The following ATP11A variants were observed in gnomAD, a reference collection of about 807,000 sequenced individuals.
ATP11A encodes ATPase phospholipid transporting 11A, also known as phospholipid-transporting ATPase IH.
ATP11A carries 81 observed loss-of-function variants against 154.4 expected under a neutral mutation model. The ratio of observed to expected loss-of-function variants is 0.52; its 90% CI spans 0.44 to 0.63. The LOEUF is 0.63. ATP11A is among the 30% of genes least tolerant of loss of function. ATP11A has a pLI of 0.00. For synonymous variants in ATP11A, 623 were observed against 585.9 expected (o/e 1.06, Z -0.91); for missense variants, 1,316 against 1,474.3 (o/e 0.89, Z 1.76).
At chr13:112,824,533 C>A in intron 10 of ATP11A, 108 bp downstream of exon 10, 2 of 998,480 alleles carry the variant, frequency 2.0e-6, no homozygotes, top group Non-Finnish European at 3.1e-6. Context: ...TGCCACTGTA[C>A]AGCATCTTAG....
intron 1 of ATP11A, among the ~76,000 whole-genome samples, chr13:112,711,964 C>A (rs190445486): frequency 1.3e-5 from 2 of 152,216 alleles, no homozygotes; most frequent in African/African-American, 2.4e-5. Flanking sequence ...TCCTAGGAAT[C>A]TGAGGCTCCT....
chr13:112,767,497 G>A (rs1175312979), intron 1 of ATP11A, among the ~76,000 whole-genome samples: 1 of 145,236 alleles, frequency 6.9e-6, no homozygotes, highest in Non-Finnish European at 1.5e-5. Context: ...GTGGAAAGGT[G>A]GGGAGGATGT....
At chr13:112,873,866 T>C (rs1465480892) in intron 27 of ATP11A, among the ~76,000 whole-genome samples, 190 bp downstream of exon 27, 1 of 152,102 alleles carries the variant, frequency 6.6e-6, no homozygotes, top group African/African-American at 2.4e-5. Context: ...GGGTTCCTGC[T>C]CCGGTGACTT....
At chr13:112,789,951 TATTTA>T (rs1452856084) in intron 2 of ATP11A, among the ~76,000 whole-genome samples, 2 of 151,768 alleles carry the variant, frequency 1.3e-5, no homozygotes, top group African/African-American at 4.8e-5. Context: ...TATGTATACC[TATTTA>T]ATTCACACCG....
chr13:112,837,061 C>T lies in ATP11A; in HGVS notation c.1705+810C>T, dbSNP rs114624020. 1.3e-3 allele frequency among the ~76,000 whole-genome samples: 201 copies of T among 152,368 alleles called. 1 individual carries two copies. The highest frequency in any genetic ancestry group is 4.6e-3 in the African/African-American group (191 of 41,590). Reference sequence around the variant, plus strand: ...TCAACACCGCAGCCCCTCAGGCTCCCGCCCACAGTGCTGAGGCTTGAACGT... The same window carrying T: ...TCAACACCGCAGCCCCTCAGGCTCCTGCCCACAGTGCTGAGGCTTGAACGT... On this transcript the variant is annotated intron_variant, in intron 16 of 29. Transcript: ENST00000375645.
intron 1 of ATP11A, among the ~76,000 whole-genome samples, chr13:112,691,237 G>A (rs1466082275): frequency 1.3e-5 from 2 of 152,146 alleles, no homozygotes; most frequent in Non-Finnish European, 2.9e-5. Context: ...GGCCGAGGCG[G>A]GCGGATCACG....
intron 1 of ATP11A, among the ~76,000 whole-genome samples, chr13:112,778,628 T>TGAGTAGCCACTGGAGTGAG (rs1566467769): frequency 3.6e-4 from 36 of 99,194 alleles, no homozygotes; most frequent in Admixed American, 2.0e-3. Context: ...GCCACTGGAG[T>TGAGTAGCCACTGGAGTGAG]GAGTAGCCGC....
intron 17 of ATP11A, 93 bp downstream of exon 17, chr13:112,842,472 C>CCCCCTGGG: frequency 1.1e-6 from 1 of 950,270 alleles, no homozygotes; most frequent in Non-Finnish European, 1.7e-6. Context: ...CTGGGAATGG[C>CCCCCTGGG]GTATTGTATT....
At chr13:112,721,898 G>T (rs945603331) in intron 1 of ATP11A, among the ~76,000 whole-genome samples, 2 of 152,228 alleles carry the variant, frequency 1.3e-5, no homozygotes, top group Non-Finnish European at 2.9e-5. Context: ...CGTCAGCACC[G>T]CAGCCGCTGG....
At chr13:112,719,843 G>A (rs1261648352) in intron 1 of ATP11A, among the ~76,000 whole-genome samples, 2 of 152,060 alleles carry the variant, frequency 1.3e-5, no homozygotes, top group African/African-American at 4.8e-5. Context: ...TGTTTGGTCT[G>A]GTCTGTTGGG....
In ATP11A at chr13:112,744,050, A is replaced by G. The variant is rs115074692; in HGVS notation, c.40-41085A>G. 6.2e-3 allele frequency among the ~76,000 whole-genome samples: 949 copies of G among 152,354 alleles called. 13 individuals are homozygous for G. Among genetic ancestry groups the G allele is most frequent in the African/African-American group, 0.022 (910 of 41,592 alleles). ...TTTAGTCATCATACTATGACGGCTG[A>G]GCTGCGTGTCCAGCTGCGGTGAGTG... On this transcript the variant is annotated intron_variant, in intron 1 of 29. Transcript: ENST00000375645.
At chr13:112,828,885 A>G (rs2140238868) in intron 12 of ATP11A, among the ~76,000 whole-genome samples, 1 of 152,300 alleles carries the variant, frequency 6.6e-6, no homozygotes, top group East Asian at 1.9e-4. Context: ...GCAGTACGAT[A>G]ACACGACTTC....
In ATP11A at chr13:112,854,180, G is replaced by A. The variant is rs1415278981; in HGVS notation, c.1992-99G>A. 8.1e-6 allele frequency: 12 copies of A among 1,489,602 alleles called. No individual in the cohort carries two copies. The Admixed American group carries it at 1.0e-4, about 12-fold the overall frequency. 92.3% of individuals were successfully genotyped at this position (1,489,602 alleles called of 1,614,324 possible). ...GAGTGTTTTGATTTTGAGGGGCTAC[G>A]ATATTTTGACAGCTTTGCAAGTTTC... On this transcript the variant is annotated intron_variant, in intron 18 of 29. Coordinates refer to ENST00000375645, the MANE Select transcript of ATP11A (RefSeq NM_015205.3).
intron 1 of ATP11A, among the ~76,000 whole-genome samples, chr13:112,749,871 A>G (rs2139805656): frequency 7.6e-6 from 1 of 132,108 alleles, no homozygotes; most frequent in Admixed American, 7.8e-5. Flanking sequence ...ATGTGGGGAC[A>G]CGCCTGCTGA....
intron 25 of ATP11A, among the ~76,000 whole-genome samples, chr13:112,867,254 C>T (rs1387903569): frequency 6.6e-6 from 1 of 152,240 alleles, no homozygotes; most frequent in Non-Finnish European, 1.5e-5. Flanking sequence ...AAGAGAAGTT[C>T]GGACAGACTA....
intron 25 of ATP11A, among the ~76,000 whole-genome samples, chr13:112,870,709 T>C (rs947577863): frequency 6.6e-6 from 1 of 152,216 alleles, no homozygotes; most frequent in African/African-American, 2.4e-5. Context: ...TAAAATTCCC[T>C]GCGAGGTGCA....
chr13:112,728,524 AG>A (rs1246213095), intron 1 of ATP11A, among the ~76,000 whole-genome samples: 1 of 126,312 alleles, frequency 7.9e-6, no homozygotes, highest in Admixed American at 8.2e-5. Flanking sequence ...CCACGCGTGG[AG>A]GGGGCCGTGA....
chr13:112,721,060 G>A (rs1041928544), intron 1 of ATP11A, among the ~76,000 whole-genome samples: 5 of 152,164 alleles, frequency 3.3e-5, no homozygotes, highest in Non-Finnish European at 5.9e-5. Flanking sequence ...AGCTACTGCC[G>A]CCAGCTGAGG....
At chr13:112,734,972 T>C (rs1890850186) in intron 1 of ATP11A, among the ~76,000 whole-genome samples, 1 of 152,060 alleles carries the variant, frequency 6.6e-6, no homozygotes. Flanking sequence ...GCTTCTAGTC[T>C]CCCTTCCAGG....
Sources: gnomAD v4.1 joint callset for allele counts (sites outside exome capture counted in the v4.1 genomes callset) on GRCh38, gnomAD v4.1.1 for gene constraint, MANE v1.5 for transcripts, NCBI Gene and HGNC (gene_info 2026-07-23, HGNC 2026-07-21) for gene names.